The following YARS2 variants were observed in gnomAD, a reference collection of about 807,000 sequenced individuals.
YARS2 encodes tyrosyl-tRNA synthetase 2.
A neutral mutation model predicts 45.0 loss-of-function variants in YARS2; 38 were observed. That is an observed-to-expected ratio of 0.84 (90% CI 0.65 to 1.11). The LOEUF is 1.11. YARS2 is among the 50% of genes least tolerant of loss of function. The pLI is 0.00. For missense variants in YARS2, 602 were observed against 599.8 expected (o/e 1.00, Z -0.04); for synonymous variants, 287 against 245.1 (o/e 1.17, Z -1.60).
At position 32,755,104 on chromosome 12, in the gene YARS2, G is replaced by A; in HGVS notation, c.771C>T (p.Phe257=). ...GGTTTAAAGGCACTTACTTGTTGAT[G>A]AACTCATATCCGGACATGATGTTGC... ...QLGNIMSGYE[F]INKLTGEDVF... Residue 257 remains phenylalanine (F), a synonymous_variant, in exon 1 of 5, where the codon TTC becomes TTT. Transcript: ENST00000324868. The A allele has an allele frequency of 6.2e-7, 1 of 1,614,146 alleles. No homozygotes were observed.
chr12:32,755,554 G>T lies in YARS2; in HGVS notation c.321C>A (p.Asn107Lys), dbSNP rs1218828448. ...TGGCGCCTCCCACCAGCGCGATCAC[G>T]TTGTGGCCCGCTCGCTGCAAATGAA... The part of the protein sequence containing the change: ...GLFHLQRAGH[N>K]VIALVGGATA... Residue 107 changes from asparagine to lysine, a missense_variant, in exon 1 of 5, where the codon AAC (asparagine) becomes AAA (lysine). Transcript: ENST00000324868. The T allele has an allele frequency of 1.9e-6, 3 of 1,613,566 alleles. No homozygotes were observed. Among genetic ancestry groups the T allele is most frequent in the African/African-American group, 2.7e-5 (2 of 74,954 alleles).
intron 2 of YARS2, among the ~76,000 whole-genome samples, chr12:32,752,029 T>G (rs373386219): frequency 4.6e-5 from 7 of 152,184 alleles, no homozygotes; most frequent in East Asian, 3.8e-4. Context: ...GCTTCTACCC[T>G]GGGAGCAACA....
chr12:32,750,692 CA>C (rs1301991950), intron 3 of YARS2, 26 bp downstream of exon 3: 1 of 1,612,192 alleles, frequency 6.2e-7, no homozygotes, highest in Non-Finnish European at 8.5e-7. Flanking sequence ...AACTAACTAT[CA>C]AGTGTTAATC....
chr12:32,753,800 T>G, intron 2 of YARS2, 118 bp downstream of exon 2: 4 of 1,325,524 alleles, frequency 3.0e-6, no homozygotes, highest in South Asian at 1.2e-5. Flanking sequence ...ATGGTTTATG[T>G]ACAGACAGAA....
rs181707491 is a variant in YARS2 at position 32,749,138 on chromosome 12, C to T, written c.1274+799G>A. ...TAGTAGGTTAGTGCAAAAGTACTTGCGGTTTTGGCCATTATATGCTCATTT... is the reference window on the plus strand; with the variant it reads ...TAGTAGGTTAGTGCAAAAGTACTTGTGGTTTTGGCCATTATATGCTCATTT... On this transcript the variant is annotated intron_variant, in intron 4 of 4. Transcript: ENST00000324868. Among the ~76,000 whole-genome samples, 329 of 152,248 alleles carry T rather than the reference C, an allele frequency of 2.2e-3. 1 individual carries two copies. The highest frequency in any genetic ancestry group is 0.02 in the Middle Eastern group (6 of 294).
At chr12:32,750,133 A>G (rs886086070) in intron 3 of YARS2, 26 bp from the exon 4 acceptor site, 34 of 1,612,724 alleles carry the variant, frequency 2.1e-5, no homozygotes, top group Non-Finnish European at 2.8e-5. Flanking sequence ...TAAGAGCTAC[A>G]TCATATAAAT....
Position 32,750,026 on chromosome 12 carries a change from TTCTTTAAACAAC to T in YARS2, c.1173_1184del (p.Leu392_Glu395del), listed in dbSNP as rs1955708773. 1 of 1,614,156 alleles carries T rather than the reference TTCTTTAAACAAC, an allele frequency of 6.2e-7. No homozygotes were observed. Among genetic ancestry groups the T allele is most frequent in the Non-Finnish European group, 8.5e-7 (1 of 1,180,028 alleles). On this transcript the variant is annotated inframe_deletion, in exon 4 of 5. Transcript: ENST00000324868. ...CGAGAAAAAATTCAGAAAATGGAGC[TTCTTTAAACAAC>T]TCTTTTAACTCCTGATCAGACATGA...
intron 4 of YARS2, among the ~76,000 whole-genome samples, chr12:32,748,933 C>T (rs1565556870): frequency 6.6e-6 from 1 of 152,232 alleles, no homozygotes; most frequent in Non-Finnish European, 1.5e-5. Flanking sequence ...CCTTCCACCT[C>T]ACTGTTCATT....
At position 32,755,111 on chromosome 12, in the gene YARS2, T is replaced by C; in HGVS notation, c.764A>G (p.Tyr255Cys). 6.2e-7 allele frequency: 1 copy of C among 1,614,210 alleles called. No individual in the cohort carries two copies. The highest frequency in any genetic ancestry group is 8.5e-7 in the Non-Finnish European group (1 of 1,180,042). The change falls in exon 1 of 5, where the codon TAT becomes TGT. Residue 255 changes from tyrosine to cysteine, a missense_variant. Transcript: ENST00000324868. ...AGGCACTTACTTGTTGATGAACTCATATCCGGACATGATGTTGCCTAGTTG... is the reference window on the plus strand; with the variant it reads ...AGGCACTTACTTGTTGATGAACTCACATCCGGACATGATGTTGCCTAGTTG... ...SDQLGNIMSG[Y>C]EFINKLTGED...
intron 4 of YARS2, among the ~76,000 whole-genome samples, 196 bp from the exon 5 acceptor site, chr12:32,747,559 G>A (rs1293952438): frequency 6.6e-6 from 1 of 152,078 alleles, no homozygotes; most frequent in Non-Finnish European, 1.5e-5. Flanking sequence ...TTTGTTGTTT[G>A]TTTTTGAAAC....
chr12:32,754,996 G>T, intron 1 of YARS2, 100 bp downstream of exon 1: 1 of 1,490,938 alleles, frequency 6.7e-7, no homozygotes, highest in South Asian at 1.1e-5. Flanking sequence ...AACAAGAGCT[G>T]GAACGAAGGG....
chr12:32,750,781 T>C lies in YARS2; in HGVS notation c.1041A>G (p.Lys347=). 6.2e-7 allele frequency: 1 copy of C among 1,614,200 alleles called. No individual in the cohort carries two copies. Among genetic ancestry groups the C allele is most frequent in the Non-Finnish European group, 8.5e-7 (1 of 1,180,038 alleles). The part of the protein sequence containing the change: ...VKEPERRGPQ[K]RLAAEVTKLV... ...GCTTTGTTACTTCTGCTGCCAGTCG[T>C]TTCTGAGGACCCCGCCTTTCTGGCT... is the stretch of plus-strand genomic sequence containing the variant. Residue 347 remains lysine (K), a synonymous_variant, in exon 3 of 5, where the codon AAA becomes AAG. Coordinates refer to ENST00000324868, the MANE Select transcript of YARS2 (RefSeq NM_001040436.3).
chr12:32,748,671 TA>T (rs1366899726), intron 4 of YARS2, among the ~76,000 whole-genome samples: 2 of 152,202 alleles, frequency 1.3e-5, no homozygotes, highest in Non-Finnish European at 2.9e-5. Flanking sequence ...CACTGTGTGT[TA>T]AACCAGCAGA....
intron 4 of YARS2, 72 bp downstream of exon 4, chr12:32,749,865 C>T: frequency 6.3e-7 from 1 of 1,586,516 alleles, no homozygotes; most frequent in Non-Finnish European, 8.6e-7. Context: ...GCATGAGCCA[C>T]TTCTCCTGGC....
At chr12:32,755,025 G>A in intron 1 of YARS2, 71 bp downstream of exon 1, 3 of 1,591,698 alleles carry the variant, frequency 1.9e-6, no homozygotes, top group South Asian at 2.2e-5. Flanking sequence ...ACAATCCTAA[G>A]AGTGAATCAC....
chr12:32,747,095 T>G lies in YARS2; in HGVS notation c.*109A>C. ...ACTCACACTGAGTCCTAGTCCATTC[T>G]GTTTTTCTGATTTGCATAAGCAAAG... is the stretch of plus-strand genomic sequence containing the variant. On this transcript the variant is annotated 3_prime_UTR_variant, in exon 5 of 5. Coordinates refer to ENST00000324868, the MANE Select transcript of YARS2 (RefSeq NM_001040436.3). The G allele has an allele frequency of 9.0e-7, 1 of 1,116,382 alleles. No individual in the cohort carries two copies. Among genetic ancestry groups the G allele is most frequent in the Non-Finnish European group, 1.3e-6 (1 of 760,496 alleles). The allele number at this position is 1,116,382 out of a possible 1,614,324, so 69.2% of individuals were successfully genotyped here.
At chr12:32,753,777 CT>C in intron 2 of YARS2, 140 bp downstream of exon 2, 2 of 1,117,082 alleles carry the variant, frequency 1.8e-6, no homozygotes, top group Non-Finnish European at 2.6e-6. Flanking sequence ...AAAAATTAGT[CT>C]TCTATGATGT....
At chr12:32,752,673 G>A (rs371705503) in intron 2 of YARS2, 9 of 289,232 alleles carry the variant, frequency 3.1e-5, no homozygotes, top group East Asian at 8.5e-5. Flanking sequence ...CCCAGGAGGC[G>A]GAGGTTGCAA....
chr12:32,750,743 C>G lies in YARS2; in HGVS notation c.1079G>C (p.Arg360Pro). 1 of 1,614,112 alleles carries G rather than the reference C, an allele frequency of 6.2e-7. No individual in the cohort carries two copies. The highest frequency in any genetic ancestry group is 1.1e-5 in the South Asian group (1 of 91,082). The change falls in exon 3 of 5, where the codon CGA (arginine) becomes CCA (proline). Residue 360 changes from arginine to proline, a missense_variant. Physicochemically the swap from Arg to Pro is moderately radical, Grantham distance 103. Transcript: ENST00000324868. Reference sequence around the variant, plus strand: ...CCTTTTAGCAGAATCCAATCCTTCTCGTCCATGAACAAGCTTTGTTACTTC... The same window carrying G: ...CCTTTTAGCAGAATCCAATCCTTCTGGTCCATGAACAAGCTTTGTTACTTC... ...AAEVTKLVHG[R>P]EGLDSAKRCT...
Sources: gnomAD v4.1 joint callset for allele counts (sites outside exome capture counted in the v4.1 genomes callset) on GRCh38, gnomAD v4.1.1 for gene constraint, MANE v1.5 for transcripts, NCBI Gene and HGNC (gene_info 2026-07-23, HGNC 2026-07-21) for gene names.